CABCOCO1: variants seen among roughly 807,000 people sequenced by gnomAD.
CABCOCO1 encodes ciliary-associated calcium-binding coiled-coil protein 1.
A neutral mutation model predicts 35.7 loss-of-function variants in CABCOCO1; 28 were observed. The ratio of observed to expected loss-of-function variants is 0.78; its 90% CI spans 0.58 to 1.07. The LOEUF (loss-of-function observed/expected upper bound fraction) is 1.07. CABCOCO1 is among the 50% of genes least tolerant of loss of function. The pLI is 0.00. For synonymous variants in CABCOCO1, 95 were observed against 100.1 expected (o/e 0.95, Z 0.30); for missense variants, 326 against 309.2 (o/e 1.05, Z -0.41).
intron 5 of CABCOCO1, among the ~76,000 whole-genome samples, chr10:61,709,782 A>G (rs763881372): frequency 6.6e-6 from 1 of 151,888 alleles, no homozygotes; most frequent in Non-Finnish European, 1.5e-5. Flanking sequence ...CTGTATCACT[A>G]TTGGAAATGT....
chr10:61,663,642 T>C (rs1034460170), intron 1 of CABCOCO1, among the ~76,000 whole-genome samples: 1 of 152,158 alleles, frequency 6.6e-6, no homozygotes, highest in African/African-American at 2.4e-5. Flanking sequence ...TAGTTGCTCA[T>C]CAGCTTGACT....
At chr10:61,701,653 AC>A in intron 5 of CABCOCO1, 11 of 985,170 alleles carry the variant, frequency 1.1e-5, no homozygotes, top group Non-Finnish European at 1.1e-5. Flanking sequence ...AATAATCCAC[AC>A]TTCTGGCTTA....
chr10:61,716,277 G>A (rs1284091845), intron 5 of CABCOCO1, among the ~76,000 whole-genome samples: 1 of 152,092 alleles, frequency 6.6e-6, no homozygotes, highest in African/African-American at 2.4e-5. Context: ...TATCCTAAAT[G>A]TGAGGGTTGC....
Position 61,725,502 on chromosome 10 carries a change from C to A in CABCOCO1, c.553-34557C>A, listed in dbSNP as rs546247000. 4.6e-4 allele frequency among the ~76,000 whole-genome samples: 69 copies of A among 150,904 alleles called. 1 individual carries two copies. The highest frequency in any genetic ancestry group is 3.4e-3 in the Middle Eastern group (1 of 292). ...GAAACCATCATTCTGAGCAAACTAT[C>A]AGAAGGACAGAAAACCAAACACCAC... On this transcript the variant is annotated intron_variant, in intron 5 of 7. Transcript: ENST00000648843.
intron 2 of CABCOCO1, among the ~76,000 whole-genome samples, chr10:61,679,992 G>A (rs1450324178): frequency 2.0e-5 from 3 of 151,934 alleles, no homozygotes; most frequent in African/African-American, 4.8e-5. Flanking sequence ...TGACTAAAAT[G>A]TACATAATTG....
chr10:61,673,715 C>T (rs761492894), intron 2 of CABCOCO1, among the ~76,000 whole-genome samples: 5 of 152,182 alleles, frequency 3.3e-5, no homozygotes, highest in South Asian at 2.1e-4. Context: ...TCAGCTCTAG[C>T]GCTGGCAACC....
intron 3 of CABCOCO1, among the ~76,000 whole-genome samples, chr10:61,682,133 GA>G (rs1282215868): frequency 6.6e-6 from 1 of 152,152 alleles, no homozygotes; most frequent in Non-Finnish European, 1.5e-5. Flanking sequence ...CCAAATTTGA[GA>G]AGATATTTCT....
intron 1 of CABCOCO1, among the ~76,000 whole-genome samples, chr10:61,664,159 A>T (rs1448776590): frequency 2.6e-5 from 4 of 152,242 alleles, no homozygotes; most frequent in African/African-American, 4.8e-5. Flanking sequence ...ATTAGCAGAC[A>T]TTAAAAGTAC....
rs755022582 is a variant in CABCOCO1 at position 61,662,935 on chromosome 10, G to T, written c.-38G>T. The T allele has an allele frequency of 5.9e-5, 23 of 387,410 alleles. No homozygotes were observed. The highest frequency in any genetic ancestry group is 1.2e-4 in the Non-Finnish European group (22 of 184,954). 24.0% of individuals were successfully genotyped at this position (387,410 alleles called of 1,614,324 possible). On this transcript the variant is annotated 5_prime_UTR_variant, in exon 1 of 8. Transcript: ENST00000648843. ...CGCCGGCCCCACCCCAGTTGCCTAG[G>T]TGACGAGGGGCCGCTTCTCTCGGCC...
At chr10:61,705,483 A>C (rs1000753774) in intron 5 of CABCOCO1, among the ~76,000 whole-genome samples, 2 of 152,214 alleles carry the variant, frequency 1.3e-5, no homozygotes, top group Non-Finnish European at 2.9e-5. Flanking sequence ...TATTGCTATC[A>C]TGTGACACTG....
chr10:61,751,294 G>A (rs1841778429), intron 5 of CABCOCO1, among the ~76,000 whole-genome samples: 1 of 150,000 alleles, frequency 6.7e-6, no homozygotes, highest in Non-Finnish European at 1.5e-5. Context: ...CAGGGAAAGA[G>A]TGAGTGGTCT....
chr10:61,725,495 A>G (rs1841125475), intron 5 of CABCOCO1, among the ~76,000 whole-genome samples: 1 of 152,086 alleles, frequency 6.6e-6, no homozygotes, highest in South Asian at 2.1e-4. Flanking sequence ...CATTCTGAGC[A>G]AACTATCAGA....
chr10:61,740,038 T>C (rs895240510), intron 5 of CABCOCO1, among the ~76,000 whole-genome samples: 5 of 152,208 alleles, frequency 3.3e-5, no homozygotes, highest in African/African-American at 1.2e-4. Context: ...TTGCACACAT[T>C]TGAACAAGAG....
At chr10:61,690,023 A>G (rs1006972212) in intron 4 of CABCOCO1, among the ~76,000 whole-genome samples, 1 of 151,990 alleles carries the variant, frequency 6.6e-6, no homozygotes. Flanking sequence ...AAACTCAGAC[A>G]TTTTCTAAAT....
intron 2 of CABCOCO1, among the ~76,000 whole-genome samples, chr10:61,677,101 C>G (rs1839538301): frequency 1.5e-5 from 2 of 133,658 alleles, no homozygotes; most frequent in Admixed American, 1.6e-4. Context: ...ATAAATTTTT[C>G]TGTTAGATTA....
intron 7 of CABCOCO1, among the ~76,000 whole-genome samples, chr10:61,762,738 A>C (rs1842032974): frequency 6.6e-6 from 1 of 152,078 alleles, no homozygotes; most frequent in Non-Finnish European, 1.5e-5. Flanking sequence ...CAACTGATAA[A>C]AGACCCTGAA....
At chr10:61,714,808 G>A (rs1213868362) in intron 5 of CABCOCO1, among the ~76,000 whole-genome samples, 1 of 152,170 alleles carries the variant, frequency 6.6e-6, no homozygotes, top group African/African-American at 2.4e-5. Flanking sequence ...CAGTTTCCAT[G>A]TAGTTGTGCA....
intron 5 of CABCOCO1, among the ~76,000 whole-genome samples, chr10:61,720,283 A>C (rs1045446258): frequency 2.2e-4 from 18 of 82,382 alleles, no homozygotes; most frequent in African/African-American, 5.7e-4. Flanking sequence ...AAAAAATAAA[A>C]AATAAAAATA....
chr10:61,726,594 A>G (rs948217884), intron 5 of CABCOCO1, among the ~76,000 whole-genome samples: 1 of 152,006 alleles, frequency 6.6e-6, no homozygotes, highest in Non-Finnish European at 1.5e-5. Context: ...TATTTTTATG[A>G]ATAAAAAGCA....
Sources: allele counts gnomAD v4.1 joint callset (sites outside exome capture counted in the v4.1 genomes callset), GRCh38; gene constraint gnomAD v4.1.1; transcripts MANE v1.5; gene names NCBI Gene and HGNC (gene_info 2026-07-23, HGNC 2026-07-21).